The following ATXN3 variants were observed in gnomAD, a reference collection of about 807,000 sequenced individuals.
The protein encoded by ATXN3 is ataxin 3, also known as ataxin-3.
A neutral mutation model predicts 58.2 loss-of-function variants in ATXN3; 28 were observed. The ratio of observed to expected loss-of-function variants is 0.48; its 90% CI spans 0.36 to 0.66. The LOEUF (loss-of-function observed/expected upper bound fraction) is 0.66. Ranked by LOEUF, ATXN3 falls within the 30% of genes least tolerant of loss-of-function variation. ATXN3 has a pLI of 0.00. For missense variants in ATXN3, 321 were observed against 422.1 expected, an observed-to-expected ratio of 0.76 and a Z score of 2.10; for synonymous variants, 113 against 138.5, an observed-to-expected ratio of 0.82 and a Z score of 1.29.
At chr14:92,098,653 GAATT>G (rs1033838224) in intron 1 of ATXN3, among the ~76,000 whole-genome samples, 13 of 152,136 alleles carry the variant, frequency 8.5e-5, no homozygotes, top group African/African-American at 2.7e-4. Context: ...CAAATCTTAA[GAATT>G]AATACAGGTG....
At chr14:92,078,274 G>A (rs952190534) in intron 9 of ATXN3, among the ~76,000 whole-genome samples, 7 of 151,986 alleles carry the variant, frequency 4.6e-5, no homozygotes, top group Non-Finnish European at 7.4e-5. Context: ...GTGAGCCACC[G>A]TGCCCAGCCA....
At chr14:92,099,774 G>C (rs573067835) in intron 1 of ATXN3, among the ~76,000 whole-genome samples, 16 of 152,242 alleles carry the variant, frequency 1.1e-4, no homozygotes, top group African/African-American at 3.8e-4. Context: ...GGCTGAGAAA[G>C]GAGGATAACT....
intron 6 of ATXN3, among the ~76,000 whole-genome samples, chr14:92,084,124 G>C (rs1174843940): frequency 6.6e-6 from 1 of 152,152 alleles, no homozygotes; most frequent in African/African-American, 2.4e-5. Flanking sequence ...AGCCTGCAGA[G>C]AGCCTATTGT....
chr14:92,051,715 TTTC>T (rs2057448531), upstream of ATXN3, among the ~76,000 whole-genome samples: 1 of 107,010 alleles, frequency 9.3e-6, no homozygotes, highest in Non-Finnish European at 2.0e-5. Context: ...CTTCTTTTCC[TTTC>T]TTTTTTTTTT....
chr14:92,095,009 G>T (rs1220343750), intron 3 of ATXN3, among the ~76,000 whole-genome samples: 2 of 151,658 alleles, frequency 1.3e-5, no homozygotes, highest in Admixed American at 6.6e-5. Context: ...AACTCACAGT[G>T]TTAGAAAAAG....
chr14:92,103,014 C>A (rs1309130394), intron 1 of ATXN3, among the ~76,000 whole-genome samples: 2 of 151,832 alleles, frequency 1.3e-5, no homozygotes, highest in African/African-American at 2.4e-5. Context: ...TATGTACAAC[C>A]CCAGCAAGTT....
intron 9 of ATXN3, among the ~76,000 whole-genome samples, chr14:92,075,016 T>C (rs1168616513): frequency 6.6e-6 from 1 of 152,232 alleles, no homozygotes; most frequent in Non-Finnish European, 1.5e-5. Context: ...AGGCAGGTTT[T>C]ACAGTGACAC....
downstream of ATXN3, among the ~76,000 whole-genome samples, chr14:92,056,092 G>A (rs1419337723): frequency 6.6e-6 from 1 of 150,864 alleles, no homozygotes. Flanking sequence ...CGGAAGCAAT[G>A]GAGGTGGCAT....
At chr14:92,052,653 C>G (rs528122560), upstream of ATXN3, among the ~76,000 whole-genome samples, 24 of 152,248 alleles carry the variant, frequency 1.6e-4, no homozygotes, top group African/African-American at 5.8e-4. Flanking sequence ...ATATTGCACT[C>G]CCTCATCCCT....
rs974566471 is a variant in ATXN3 at position 92,060,354 on chromosome 14, C to T, written c.*3966G>A. On this transcript the variant is annotated 3_prime_UTR_variant, in exon 11 of 11. Coordinates refer to ENST00000644486, the MANE Select transcript of ATXN3 (RefSeq NM_004993.6). ...GCCCTTGGCACTCTGCAACCTCTGC[C>T]TCCTAGGCTCATGCGATTCTTAGCC... 2 of 150,766 alleles carry T rather than the reference C, an allele frequency of 1.3e-5. No homozygotes were observed. The highest frequency in any genetic ancestry group is 4.9e-5 in the African/African-American group (2 of 40,912). The allele number at this position is 150,766 out of a possible 1,614,324, so 9.3% of individuals were successfully genotyped here. A position where few individuals can be genotyped will look rare whatever the true frequency, so the allele number is the denominator to read the frequency against.
chr14:92,094,007 G>A (rs183892533), intron 3 of ATXN3, among the ~76,000 whole-genome samples, 176 bp from the exon 4 acceptor site: 5 of 148,978 alleles, frequency 3.4e-5, no homozygotes, highest in Non-Finnish European at 5.9e-5. Context: ...ATAGTGGCAC[G>A]ATCTCGGCTC....
intron 1 of ATXN3, among the ~76,000 whole-genome samples, chr14:92,099,705 C>T (rs962558199): frequency 6.6e-6 from 1 of 152,044 alleles, no homozygotes; most frequent in Admixed American, 6.6e-5. Context: ...CCCATTTCTA[C>T]AAAAAATAAA....
At chr14:92,090,476 A>G (rs2063535060) in intron 5 of ATXN3, 1 of 152,242 alleles carries the variant, frequency 6.6e-6, no homozygotes, top group South Asian at 2.1e-4. Flanking sequence ...AAAAGTTTCT[A>G]AAGTTAACGA....
At chr14:92,096,454 C>A (rs1450201020) in intron 2 of ATXN3, 2 of 782,002 alleles carry the variant, frequency 2.6e-6, no homozygotes, top group Non-Finnish European at 3.9e-6. Context: ...GAAACCCCAT[C>A]TCTAACAAAG....
intron 1 of ATXN3, among the ~76,000 whole-genome samples, chr14:92,104,786 G>A (rs925122182): frequency 8.5e-5 from 13 of 152,140 alleles, no homozygotes; most frequent in African/African-American, 2.9e-4. Flanking sequence ...AGCTGGGCGT[G>A]GTGGCGGGCG....
At chr14:92,085,485 G>A (rs746142708) in intron 6 of ATXN3, among the ~76,000 whole-genome samples, 9 of 151,176 alleles carry the variant, frequency 6.0e-5, no homozygotes, top group Admixed American at 6.6e-5. Context: ...CACCAAGCCC[G>A]GCCTAAGACT....
chr14:92,083,328 T>A, intron 6 of ATXN3, 70 bp from the exon 7 acceptor site: 1 of 1,438,162 alleles, frequency 7.0e-7, no homozygotes, highest in Non-Finnish European at 9.4e-7. Context: ...AAAACACTAG[T>A]AGATAAAAAG....
At chr14:92,074,992 G>C (rs2060087490) in intron 9 of ATXN3, among the ~76,000 whole-genome samples, 1 of 152,136 alleles carries the variant, frequency 6.6e-6, no homozygotes, top group South Asian at 2.1e-4. Flanking sequence ...TTAATTTCAT[G>C]CTTCTGTGAG....
At chr14:92,066,097 A>AT (rs1555395040) in intron 10 of ATXN3, among the ~76,000 whole-genome samples, 13 of 151,348 alleles carry the variant, frequency 8.6e-5, no homozygotes, top group African/African-American at 2.9e-4. Flanking sequence ...TACTAAAAAA[A>AT]AAATAAATAA....
Sources: gnomAD v4.1 joint callset for allele counts (sites outside exome capture counted in the v4.1 genomes callset) on GRCh38, gnomAD v4.1.1 for gene constraint, MANE v1.5 for transcripts, NCBI Gene and HGNC (gene_info 2026-07-23, HGNC 2026-07-21) for gene names.